TAF3: variants seen among roughly 807,000 people sequenced by gnomAD.
The protein encoded by TAF3 is transcription initiation factor TFIID subunit 3.
TAF3 carries 7 observed loss-of-function variants against 80.6 expected under a neutral mutation model. That is an observed-to-expected ratio of 0.09 (90% CI 0.05 to 0.16). TAF3 has a LOEUF of 0.16. TAF3 is among the 10% of genes least tolerant of loss of function. The probability of loss-of-function intolerance (pLI) is 1.00; values close to 1 mark genes in which losing one functional copy is unlikely to be tolerated. For synonymous variants in TAF3, 444 were observed against 446.1 expected, an observed-to-expected ratio of 1.00 and a Z score of 0.06; for missense variants, 921 against 1,140.2, an observed-to-expected ratio of 0.81 and a Z score of 2.77.
chr10:7,867,276 A>G (rs1347679005), intron 2 of TAF3, among the ~76,000 whole-genome samples: 1 of 152,120 alleles, frequency 6.6e-6, no homozygotes, highest in Non-Finnish European at 1.5e-5. Context: ...CACACAAAAA[A>G]CAAAAAACAA....
intron 2 of TAF3, among the ~76,000 whole-genome samples, chr10:7,883,509 T>A (rs1462303419): frequency 1.3e-5 from 2 of 152,234 alleles, no homozygotes; most frequent in Non-Finnish European, 2.9e-5. Context: ...CCTTTGTCAT[T>A]GATAGCTATC....
chr10:7,947,350 G>GCTGTTTAGTCTCTGGGTTAGGCA (rs1352640414), intron 2 of TAF3, among the ~76,000 whole-genome samples: 44 of 152,318 alleles, frequency 2.9e-4, no homozygotes, highest in Non-Finnish European at 5.6e-4. Flanking sequence ...TGGGTTAGGC[G>GCTGTTTAGTCTCTGGGTTAGGCA]CTGTTTAGAC....
At chr10:7,963,665 C>T (rs548023946) in intron 2 of TAF3, among the ~76,000 whole-genome samples, 26 of 151,632 alleles carry the variant, frequency 1.7e-4, no homozygotes, top group African/African-American at 6.1e-4. Flanking sequence ...GTTGGGAGGT[C>T]GGGGGCTGGG....
chr10:7,934,769 A>G (rs553608700), intron 2 of TAF3, among the ~76,000 whole-genome samples: 3 of 152,274 alleles, frequency 2.0e-5, no homozygotes, highest in African/African-American at 7.2e-5. Context: ...ATTTAAAAGT[A>G]CTATGATATA....
intron 2 of TAF3, among the ~76,000 whole-genome samples, chr10:7,958,323 A>G (rs1421345840): frequency 1.3e-5 from 2 of 152,182 alleles, no homozygotes; most frequent in African/African-American, 2.4e-5. Context: ...TTTTAATTTT[A>G]AAAATTCTAA....
Position 7,849,924 on chromosome 10 carries a change from AC to A in TAF3, c.409+25365del, listed in dbSNP as rs1837010932. Reference sequence around the variant, plus strand: ...TTGAAATCCTGAGCTCGGGCAGTCTACTCACCTTGGCCTCCCAAGGTACTGG... The same window carrying A: ...TTGAAATCCTGAGCTCGGGCAGTCTATCACCTTGGCCTCCCAAGGTACTGG... On this transcript the variant is annotated intron_variant, in intron 2 of 6. Coordinates refer to ENST00000344293, the MANE Select transcript of TAF3 (RefSeq NM_031923.4). Among the ~76,000 whole-genome samples, 5 of 151,970 alleles carry A rather than the reference AC, an allele frequency of 3.3e-5. No individual in the cohort carries two copies. In the South Asian group the frequency reaches 1.0e-3, roughly 32 times the overall value.
Position 7,947,283 on chromosome 10 carries a change from C to T in TAF3, c.410-16637C>T, listed in dbSNP as rs575818588. 2.0e-5 allele frequency among the ~76,000 whole-genome samples: 3 copies of T among 152,170 alleles called. No individual in the cohort carries two copies. The East Asian group carries it at 5.8e-4, about 30-fold the overall frequency. ...GCATGCACGGCCCCTCCAGCCCCCA[C>T]CGCAGGCCGGATAGTGCGGTTAAGA... On this transcript the variant is annotated intron_variant, in intron 2 of 6. Coordinates refer to ENST00000344293, the MANE Select transcript of TAF3 (RefSeq NM_031923.4).
At chr10:7,945,172 AG>A (rs1281054435) in intron 2 of TAF3, among the ~76,000 whole-genome samples, 1 of 152,158 alleles carries the variant, frequency 6.6e-6, no homozygotes, top group Non-Finnish European at 1.5e-5. Flanking sequence ...GTGGCATTAG[AG>A]GACTGGATTG....
chr10:7,983,431 G>A (rs196528), intron 4 of TAF3, among the ~76,000 whole-genome samples: 48,518 of 152,072 alleles, frequency 0.32, 7,964 homozygotes, highest in East Asian at 0.49. Context: ...CAAAGAACCT[G>A]GTTGGTGTAC....
At chr10:7,922,120 G>A (rs1029612811) in intron 2 of TAF3, among the ~76,000 whole-genome samples, 1 of 152,010 alleles carries the variant, frequency 6.6e-6, no homozygotes, top group African/African-American at 2.4e-5. Flanking sequence ...AAACTCGAAG[G>A]AATTTTTAAA....
intron 4 of TAF3, among the ~76,000 whole-genome samples, chr10:7,993,878 A>ATCTTTTTT (rs1831857893): frequency 7.1e-6 from 1 of 141,808 alleles, no homozygotes; most frequent in Non-Finnish European, 1.5e-5. Flanking sequence ...TAAATATACA[A>ATCTTTTTT]TCTTTTTTTT....
intron 2 of TAF3, among the ~76,000 whole-genome samples, chr10:7,960,247 T>G (rs1400135532): frequency 5.3e-5 from 8 of 152,198 alleles, no homozygotes. Flanking sequence ...GATTTTCTCA[T>G]GTTTATCTGT....
chr10:7,969,493 G>A (rs192910166), intron 3 of TAF3, among the ~76,000 whole-genome samples: 25 of 152,238 alleles, frequency 1.6e-4, no homozygotes, highest in African/African-American at 6.0e-4. Context: ...TGTATATATT[G>A]CATGGATCTT....
chr10:7,860,932 G>C (rs1837139247), intron 2 of TAF3, among the ~76,000 whole-genome samples: 1 of 150,968 alleles, frequency 6.6e-6, no homozygotes, highest in African/African-American at 2.4e-5. Flanking sequence ...CTGAGTAGCT[G>C]GGATTACAGG....
intron 4 of TAF3, among the ~76,000 whole-genome samples, chr10:8,006,034 T>C (rs983983311): frequency 2.6e-5 from 4 of 152,132 alleles, no homozygotes; most frequent in Non-Finnish European, 4.4e-5. Flanking sequence ...GTGGTCATTA[T>C]GAAAAACAAA....
intron 2 of TAF3, among the ~76,000 whole-genome samples, chr10:7,937,703 C>T (rs1304709321): frequency 6.6e-6 from 1 of 152,216 alleles, no homozygotes; most frequent in East Asian, 1.9e-4. Context: ...GAATCACACA[C>T]ACAGGTCACA....
intron 2 of TAF3, among the ~76,000 whole-genome samples, chr10:7,920,094 A>C (rs1293078997): frequency 6.6e-6 from 1 of 152,040 alleles, no homozygotes; most frequent in East Asian, 1.9e-4. Context: ...AAATAAAAAT[A>C]AAATAAAAAT....
At chr10:7,998,267 A>ATATATATATATATATATG (rs1564380436) in intron 4 of TAF3, among the ~76,000 whole-genome samples, 1 of 45,924 alleles carries the variant, frequency 2.2e-5, no homozygotes, top group Admixed American at 3.1e-4. Context: ...ATATATATGT[A>ATATATATATATATATATG]TATATATATA....
chr10:7,968,184 AC>A (rs1262889424), intron 3 of TAF3, among the ~76,000 whole-genome samples: 1 of 152,196 alleles, frequency 6.6e-6, no homozygotes, highest in Non-Finnish European at 1.5e-5. Context: ...TATGTAAGGC[AC>A]CAAAGGTTAA....
Sources: allele counts gnomAD v4.1 joint callset (sites outside exome capture counted in the v4.1 genomes callset), GRCh38; gene constraint gnomAD v4.1.1; transcripts MANE v1.5; gene names NCBI Gene and HGNC (gene_info 2026-07-23, HGNC 2026-07-21).